CNTNAP2: variants seen among roughly 807,000 people sequenced by gnomAD.
CNTNAP2 encodes contactin-associated protein-like 2.
Under a neutral mutation model 155.2 loss-of-function variants are expected in CNTNAP2, and 98 were observed. That is an observed-to-expected ratio of 0.63 (90% confidence interval 0.54 to 0.75). The LOEUF (loss-of-function observed/expected upper bound fraction) is 0.75, where lower values mean the gene tolerates loss of function less well. CNTNAP2 is among the 30% of genes least tolerant of loss of function. CNTNAP2 has a pLI of 0.00. For synonymous variants in CNTNAP2, 651 were observed against 631.2 expected (o/e 1.03, Z -0.47); for missense variants, 1,727 against 1,688.1 (o/e 1.02, Z -0.40).
At chr7:147,275,601 A>G (rs1039319970) in intron 8 of CNTNAP2, among the ~76,000 whole-genome samples, 1 of 152,038 alleles carries the variant, frequency 6.6e-6, no homozygotes, top group Non-Finnish European at 1.5e-5. Context: ...AGATCATGTC[A>G]TCAGTGAACA....
chr7:146,881,534 A>G (rs1178781978), intron 3 of CNTNAP2, among the ~76,000 whole-genome samples: 3 of 152,060 alleles, frequency 2.0e-5, no homozygotes, highest in Non-Finnish European at 4.4e-5. Context: ...GTGGGGGTCA[A>G]GACCCTGGAT....
intron 1 of CNTNAP2, among the ~76,000 whole-genome samples, chr7:146,434,447 T>C (rs1469308650): frequency 6.6e-6 from 1 of 152,188 alleles, no homozygotes; most frequent in Non-Finnish European, 1.5e-5. Flanking sequence ...CTTTCAAGCA[T>C]GGATTAAAAT....
chr7:147,342,081 T>G (rs927732800), intron 9 of CNTNAP2, among the ~76,000 whole-genome samples: 2 of 152,112 alleles, frequency 1.3e-5, no homozygotes, highest in Non-Finnish European at 2.9e-5. Flanking sequence ...TTCACATGAC[T>G]GAGAGAGACT....
intron 1 of CNTNAP2, among the ~76,000 whole-genome samples, chr7:146,370,470 T>A (rs1465229919): frequency 6.6e-6 from 1 of 151,710 alleles, no homozygotes; most frequent in African/African-American, 2.4e-5. Context: ...AAAACATTTT[T>A]CCTTAATGAT....
chr7:148,013,573 G>A (rs1049902813), intron 15 of CNTNAP2, among the ~76,000 whole-genome samples: 1 of 152,122 alleles, frequency 6.6e-6, no homozygotes, highest in Non-Finnish European at 1.5e-5. Flanking sequence ...TTTCTAAGTG[G>A]ACTTCCTCTT....
intron 22 of CNTNAP2, among the ~76,000 whole-genome samples, chr7:148,396,438 C>T (rs149985367): frequency 1.7e-4 from 26 of 152,228 alleles, no homozygotes; most frequent in African/African-American, 5.8e-4. Flanking sequence ...CTAAATTATC[C>T]GCCATCACTT....
At chr7:146,662,308 T>G (rs1027264854) in intron 1 of CNTNAP2, among the ~76,000 whole-genome samples, 1 of 151,938 alleles carries the variant, frequency 6.6e-6, no homozygotes, top group African/African-American at 2.4e-5. Flanking sequence ...TGGCTAGTTT[T>G]TCTATTTTTA....
At chr7:147,602,844 A>G (rs1258262959) in intron 12 of CNTNAP2, among the ~76,000 whole-genome samples, 1 of 151,532 alleles carries the variant, frequency 6.6e-6, no homozygotes, top group East Asian at 1.9e-4. Context: ...GCTGCATAGT[A>G]TTCCATGGTG....
intron 1 of CNTNAP2, among the ~76,000 whole-genome samples, chr7:146,135,665 A>G (rs1164789809): frequency 6.6e-6 from 1 of 152,138 alleles, no homozygotes; most frequent in African/African-American, 2.4e-5. Context: ...CCTATTGACA[A>G]TATTTTTACC....
intron 15 of CNTNAP2, among the ~76,000 whole-genome samples, chr7:148,114,908 G>A (rs150340797): frequency 6.6e-4 from 100 of 152,324 alleles, no homozygotes; most frequent in African/African-American, 2.2e-3. Context: ...CTCCTGAGCC[G>A]CACTCCTACT....
At chr7:148,415,281 G>T in intron 23 of CNTNAP2, 136 bp from the exon 24 acceptor site, 3 of 901,004 alleles carry the variant, frequency 3.3e-6, no homozygotes, top group African/African-American at 1.7e-5. Flanking sequence ...CTTCATTTTT[G>T]TTATCTTTGT....
chr7:148,364,117 C>T (rs1798682990), intron 21 of CNTNAP2, among the ~76,000 whole-genome samples: 1 of 152,188 alleles, frequency 6.6e-6, no homozygotes, highest in African/African-American at 2.4e-5. Context: ...CCTGTGCGGC[C>T]CGAGCCTCCC....
At chr7:148,000,739 C>CT (rs1469718189) in intron 15 of CNTNAP2, among the ~76,000 whole-genome samples, 3 of 152,164 alleles carry the variant, frequency 2.0e-5, no homozygotes, top group African/African-American at 7.2e-5. Context: ...GGGCTGAGGA[C>CT]TTACAAACAT....
chr7:148,233,772 G>A (rs1045883874), intron 20 of CNTNAP2, among the ~76,000 whole-genome samples: 1 of 152,212 alleles, frequency 6.6e-6, no homozygotes, highest in African/African-American at 2.4e-5. Context: ...GTTTTGGAAT[G>A]TGTCCCTGTC....
In CNTNAP2 at chr7:148,139,409, A is replaced by G. The variant is rs1191634946; in HGVS notation, c.2555-8082A>G. ...GAAAACTAAAGCTCTATATCTAGTC[A>G]TTACTGGATTTTAGTGTCTCTCAGC... On this transcript the variant is annotated intron_variant, in intron 16 of 23. Coordinates refer to ENST00000361727, the MANE Select transcript of CNTNAP2 (RefSeq NM_014141.6). Among the ~76,000 whole-genome samples, 8 of 152,214 alleles carry G rather than the reference A, an allele frequency of 5.3e-5. No individual in the cohort carries two copies. In the East Asian group the frequency reaches 1.2e-3, roughly 22 times the overall value.
chr7:147,656,562 G>C (rs1348879615), intron 13 of CNTNAP2, among the ~76,000 whole-genome samples: 2 of 152,216 alleles, frequency 1.3e-5, no homozygotes, highest in South Asian at 2.1e-4. Flanking sequence ...CAGTAGAGCA[G>C]TCAGAACTCA....
intron 3 of CNTNAP2, among the ~76,000 whole-genome samples, chr7:146,944,876 TAAAA>T (rs926343251): frequency 7.1e-6 from 1 of 141,558 alleles, no homozygotes; most frequent in East Asian, 2.0e-4. Flanking sequence ...AGACTCCGTC[TAAAA>T]AAAAAAAAGA....
At chr7:146,148,233 C>A (rs1376862959) in intron 1 of CNTNAP2, among the ~76,000 whole-genome samples, 1 of 151,996 alleles carries the variant, frequency 6.6e-6, no homozygotes, top group Non-Finnish European at 1.5e-5. Flanking sequence ...AATTAAGCTA[C>A]TTTATTAGAT....
chr7:146,786,052 A>G (rs1802568887), intron 2 of CNTNAP2, among the ~76,000 whole-genome samples: 1 of 152,188 alleles, frequency 6.6e-6, no homozygotes, highest in East Asian at 1.9e-4. Flanking sequence ...AGCTCACATC[A>G]GCTGGTTGGT....
Sources: allele counts gnomAD v4.1 joint callset (sites outside exome capture counted in the v4.1 genomes callset), GRCh38; gene constraint gnomAD v4.1.1; transcripts MANE v1.5; gene names NCBI Gene and HGNC (gene_info 2026-07-23, HGNC 2026-07-21).